TBC1D3B: variants seen among roughly 807,000 people sequenced by gnomAD.
TBC1D3B encodes the protein TBC1 domain family member 3B.
Under a neutral mutation model 27.1 loss-of-function variants are expected in TBC1D3B, and 2 were observed. That is an observed-to-expected ratio of 0.07 (90% confidence interval 0.03 to 0.23). The LOEUF is 0.23. Ranked by LOEUF, TBC1D3B falls within the 10% of genes least tolerant of loss-of-function variation. The probability of loss-of-function intolerance (pLI) is 1.00; values close to 1 mark genes in which losing one functional copy is unlikely to be tolerated. For missense variants in TBC1D3B, 17 were observed against 401.3 expected (o/e 0.04, Z 8.18); for synonymous variants, 3 against 150.1 (o/e 0.02, Z 7.16).
At chr17:36,175,551 T>C (rs2068410121) in intron 1 of TBC1D3B, among the ~76,000 whole-genome samples, 1 of 106,120 alleles carries the variant, frequency 9.4e-6, no homozygotes, top group Admixed American at 8.3e-5. Flanking sequence ...ACCGTGGCTC[T>C]TCAGTCTGAA....
At position 36,167,170 on chromosome 17, in the gene TBC1D3B, G is replaced by A. The variant is rs1233844750; in HGVS notation, c.1081+374C>T. Among the ~76,000 whole-genome samples, 2 of 98,394 alleles carry A rather than the reference G, an allele frequency of 2.0e-5. 1 individual carries two copies. Among genetic ancestry groups the A allele is most frequent in the African/African-American group, 5.3e-5 (2 of 37,500 alleles). 64.6% of individuals were successfully genotyped at this position (98,394 alleles called of 152,430 possible). A position where few individuals can be genotyped will look rare whatever the true frequency, so the allele number is the denominator to read the frequency against. On this transcript the variant is annotated intron_variant, in intron 13 of 13. Coordinates refer to ENST00000611257, the MANE Select transcript of TBC1D3B (RefSeq NM_001001417.7). ...TTGGAGGAGCGTGCAGGAGTGAGGG[G>A]CCTCTGCTGCTCTCTGAGGCTGTGG...
chr17:36,165,781 G>A lies in TBC1D3B; in HGVS notation c.*214C>T, dbSNP rs1238799639. 17 of 920,208 alleles carry A rather than the reference G, an allele frequency of 1.8e-5. No individual in the cohort carries two copies. Among genetic ancestry groups the A allele is most frequent in the East Asian group, 1.1e-4 (5 of 43,704 alleles). 57.0% of individuals were successfully genotyped at this position (920,208 alleles called of 1,614,324 possible). A position where few individuals can be genotyped will look rare whatever the true frequency, so the allele number is the denominator to read the frequency against. On this transcript the variant is annotated 3_prime_UTR_variant, in exon 14 of 14. Transcript: ENST00000611257. ...TCACGGTGTCGTCAGAATTCAGAACGATGGTCGTGGGGCTTGGGGTGCTGG... is the reference window on the plus strand; with the variant it reads ...TCACGGTGTCGTCAGAATTCAGAACAATGGTCGTGGGGCTTGGGGTGCTGG...
intron 13 of TBC1D3B, among the ~76,000 whole-genome samples, chr17:36,167,053 G>A (rs1166336063): frequency 9.5e-6 from 1 of 105,556 alleles, no homozygotes; most frequent in African/African-American, 2.6e-5. Flanking sequence ...CTGGGCCCGG[G>A]GTCCCGCCTG....
Position 36,172,395 on chromosome 17 carries a change from CTA to C in TBC1D3B, c.284_285del (p.Ile95ArgfsTer23). 1.3e-6 allele frequency: 2 copies of C among 1,552,544 alleles called. No individual in the cohort carries two copies. The highest frequency in any genetic ancestry group is 1.8e-6 in the Non-Finnish European group (2 of 1,129,456). On this transcript the variant is annotated frameshift_variant, in exon 6 of 14. Coordinates refer to ENST00000611257, the MANE Select transcript of TBC1D3B (RefSeq NM_001001417.7). LOFTEE classifies it high-confidence loss of function. ...ATGGGCATTCCCTTGTACGCTCGAT[CTA>C]TGAGCTGTGGGCAGAAAACAATCTG... ...WEKYKSSRKLIDRAYKGMPMN... is the reference protein window; with the variant it reads ...WEKYKSSRKLXDRAYKGMPMN...
intron 1 of TBC1D3B, 89 bp from the exon 2 acceptor site, chr17:36,175,140 C>T (rs1769311450): frequency 4.3e-6 from 2 of 460,290 alleles, no homozygotes; most frequent in Admixed American, 5.1e-5. Flanking sequence ...CAGATGCTGG[C>T]TGGCTGCGTA....
Position 36,171,163 on chromosome 17 carries a change from C to T in TBC1D3B, c.498-560G>A, listed in dbSNP as rs754799606. ...CATCTAGGATCCACCCACGTTCGTG[C>T]GGGCATCACCGGCTCGTTCCCTTTT... On this transcript the variant is annotated intron_variant, in intron 7 of 13. Transcript: ENST00000611257. Among the ~76,000 whole-genome samples, 797 of 148,720 alleles carry T rather than the reference C, an allele frequency of 5.4e-3. 11 individuals are homozygous for T. Among genetic ancestry groups the T allele is most frequent in the Middle Eastern group, 0.014 (4 of 286 alleles).
chr17:36,170,948 T>TG (rs2142171809), intron 7 of TBC1D3B, among the ~76,000 whole-genome samples: 1 of 81,660 alleles, frequency 1.2e-5, no homozygotes, highest in Admixed American at 1.0e-4. Flanking sequence ...CAGCCCCTCC[T>TG]GGGGCGACTC....
chr17:36,169,036 G>A, intron 10 of TBC1D3B, 44 bp downstream of exon 10: 1 of 1,596,632 alleles, frequency 6.3e-7, no homozygotes, highest in Non-Finnish European at 8.6e-7. Context: ...CAGCCCCACG[G>A]GAGGCAGGGC....
rs1383421803 is a variant in TBC1D3B, at chr17:36,171,280, C to T, written c.497+575G>A. Among the ~76,000 whole-genome samples, 10 of 151,064 alleles carry T rather than the reference C, an allele frequency of 6.6e-5. 2 individuals are homozygous for T. The highest frequency in any genetic ancestry group is 1.3e-4 in the Admixed American group (2 of 15,088). On this transcript the variant is annotated intron_variant, in intron 7 of 13. Coordinates refer to ENST00000611257, the MANE Select transcript of TBC1D3B (RefSeq NM_001001417.7). The stretch of plus-strand genomic sequence containing the variant: ...CCCCGAAGGCTCCGTGTGTGAGTGA[C>T]GAGGAGTCAAGCAGTGAACCTGGCA...
At chr17:36,169,584 C>T in intron 9 of TBC1D3B, among the ~76,000 whole-genome samples, 2 of 144,346 alleles carry the variant, frequency 1.4e-5, no homozygotes, top group Non-Finnish European at 3.2e-5. Flanking sequence ...AGCTGGAGGG[C>T]AGGAGGACTC....
At chr17:36,171,109 G>C (rs1453762319) in intron 7 of TBC1D3B, among the ~76,000 whole-genome samples, 2 of 144,582 alleles carry the variant, frequency 1.4e-5, no homozygotes, top group Admixed American at 6.9e-5. Context: ...GTAGCTTATT[G>C]GGTCTGGCTT....
In TBC1D3B at chr17:36,171,386, AT is replaced by A. The variant is rs1448720486; in HGVS notation, c.497+468del. Among the ~76,000 whole-genome samples the A allele has an allele frequency of 7.2e-3, 1,080 of 150,950 alleles. 38 individuals carry two copies. The highest frequency in any genetic ancestry group is 0.012 in the Non-Finnish European group (820 of 67,202). ...CTTTGGGGATGTGTGGTTCAAGTCC[AT>A]CGAGCTTTGTGAGCCACTGCCCAAC... On this transcript the variant is annotated intron_variant, in intron 7 of 13. Transcript: ENST00000611257.
At chr17:36,166,873 C>A (rs2068263795) in intron 13 of TBC1D3B, among the ~76,000 whole-genome samples, 1 of 44,850 alleles carries the variant, frequency 2.2e-5, no homozygotes, top group African/African-American at 4.5e-5. Flanking sequence ...AGTCAGAACT[C>A]AGGTGGGAGG....
At chr17:36,170,850 T>TG (rs1487695834) in intron 7 of TBC1D3B, among the ~76,000 whole-genome samples, 1 of 93,090 alleles carries the variant, frequency 1.1e-5, no homozygotes, top group Non-Finnish European at 3.6e-5. Context: ...TTTTTTTTTT[T>TG]CAGTTTGCAC....
chr17:36,171,357 G>GA (rs1384176840), intron 7 of TBC1D3B, among the ~76,000 whole-genome samples: 2 of 151,068 alleles, frequency 1.3e-5, no homozygotes, highest in Non-Finnish European at 3.0e-5. Context: ...CAATATCTGT[G>GA]ACACTTTGGG....
In TBC1D3B at chr17:36,165,877, G is replaced by T; in HGVS notation, c.*118C>A. ...TCCATCTCTGAATGTCTCTCAAGCT[G>T]CACTCTTTCTTAATACATATTCATA... On this transcript the variant is annotated 3_prime_UTR_variant, in exon 14 of 14. Coordinates refer to ENST00000611257, the MANE Select transcript of TBC1D3B (RefSeq NM_001001417.7). 3.1e-6 allele frequency: 3 copies of T among 964,908 alleles called. 1 individual carries two copies. The highest frequency in any genetic ancestry group is 3.1e-6 in the Non-Finnish European group (2 of 639,358). The allele number at this position is 964,908 out of a possible 1,614,324, so 59.8% of individuals were successfully genotyped here.
intron 9 of TBC1D3B, among the ~76,000 whole-genome samples, chr17:36,169,475 G>T (rs1425599142): frequency 6.7e-6 from 1 of 150,002 alleles, no homozygotes; most frequent in Non-Finnish European, 1.5e-5. Context: ...GTCATCTCCT[G>T]GTAGTGGGGT....
intron 13 of TBC1D3B, among the ~76,000 whole-genome samples, chr17:36,167,043 C>G (rs1297119664): frequency 8.6e-5 from 9 of 104,546 alleles, no homozygotes; most frequent in African/African-American, 2.3e-4. Context: ...GGCTCTGGCT[C>G]TGGGCCCGGG....
At chr17:36,169,479 G>C (rs1289999185) in intron 9 of TBC1D3B, among the ~76,000 whole-genome samples, 5 of 150,072 alleles carry the variant, frequency 3.3e-5, no homozygotes, top group Non-Finnish European at 7.5e-5. Flanking sequence ...TCTCCTGGTA[G>C]TGGGGTCGGG....
Sources: gnomAD v4.1 joint callset for allele counts (sites outside exome capture counted in the v4.1 genomes callset) on GRCh38, gnomAD v4.1.1 for gene constraint, MANE v1.5 for transcripts, NCBI Gene and HGNC (gene_info 2026-07-23, HGNC 2026-07-21) for gene names.